Variants in LRRN4 observed in about 807,000 individuals in gnomAD.
LRRN4 encodes the protein leucine rich repeat neuronal 4, also known as leucine-rich repeat neuronal protein 4.
LRRN4 carries 26 observed loss-of-function variants against 22.3 expected under a neutral mutation model. The observed-to-expected ratio is 1.16, with a 90% CI of 0.85 to 1.62. The LOEUF is 1.62. Ranked by LOEUF, LRRN4 falls within the 40% of genes most tolerant of loss-of-function variation. The pLI is 0.00. For synonymous variants in LRRN4, 496 were observed against 486.2 expected, an observed-to-expected ratio of 1.02 and a Z score of -0.26; for missense variants, 1,070 against 1,008.5, an observed-to-expected ratio of 1.06 and a Z score of -0.83.
chr20:6,048,116 G>A (rs1009917512), intron 3 of LRRN4, among the ~76,000 whole-genome samples: 9 of 152,006 alleles, frequency 5.9e-5, no homozygotes, highest in African/African-American at 1.5e-4. Flanking sequence ...GCCAAATCCC[G>A]TGGTCACCCC....
At chr20:6,049,313 G>A (rs1455283023) in intron 3 of LRRN4, among the ~76,000 whole-genome samples, 3 of 152,210 alleles carry the variant, frequency 2.0e-5, no homozygotes, top group African/African-American at 4.8e-5. Context: ...TATGGATCAT[G>A]ATGTGTTATG....
Position 6,042,062 on chromosome 20 carries a change from G to A in LRRN4, c.1183C>T (p.Pro395Ser). ...QGTTVAPSAA[P>S]ATRPAGDQQS... is the part of the protein sequence containing the mutation. ...TGGTCTCCCGCAGGCCGGGTGGCGG[G>A]GGCTGCGCTGGGCGCGACGGTGGTA... The change falls in exon 5 of 5, where the codon CCC becomes TCC. Residue 395 changes from proline to serine, a missense_variant. Transcript: ENST00000378858. 6.2e-7 allele frequency: 1 copy of A among 1,614,000 alleles called. No individual in the cohort carries two copies. The highest frequency in any genetic ancestry group is 8.5e-7 in the Non-Finnish European group (1 of 1,179,950).
chr20:6,041,142 C>A lies in LRRN4; in HGVS notation c.2103G>T (p.Leu701=). 6.2e-7 allele frequency: 1 copy of A among 1,608,912 alleles called. No homozygotes were observed. Among genetic ancestry groups the A allele is most frequent in the Non-Finnish European group, 8.5e-7 (1 of 1,177,734 alleles). ...SGLLLASTVV[L]SACLCRRGQT... is the part of the protein sequence containing the mutation. ...GGCCCCGCCTGCAGAGACATGCGGA[C>A]AGCACCACGGTGCTGGCGAGCAACA... The change falls in exon 5 of 5, where the codon CTG becomes CTT. Residue 701 remains leucine (L), a synonymous_variant. Transcript: ENST00000378858. This position sits in a 1 kb window ranked among gnomAD's most constrained non-coding sequence, Gnocchi z 9.4.
Position 6,041,796 on chromosome 20 carries a change from C to T in LRRN4, c.1449G>A (p.Leu483=), listed in dbSNP as rs770339707. 7 of 1,614,018 alleles carry T rather than the reference C, an allele frequency of 4.3e-6. No individual in the cohort carries two copies. The highest frequency in any genetic ancestry group is 5.9e-6 in the Non-Finnish European group (7 of 1,180,012). Residue 483 remains leucine, a synonymous_variant, in exon 5 of 5, where the codon CTG becomes CTA. Transcript: ENST00000378858. This position sits in a 1 kb window ranked among gnomAD's most constrained non-coding sequence, Gnocchi z 9.4. ...GGTCCCACGAGGTAGGGAAGGGGCC[C>T]AGGAGCTTGCTGGCCAGTGGGGTGG... ...AASTPLASKL[L]GPFPTSWDRS...
intron 4 of LRRN4, among the ~76,000 whole-genome samples, chr20:6,044,142 C>T (rs927201740): frequency 2.6e-5 from 4 of 152,174 alleles, no homozygotes; most frequent in Admixed American, 6.5e-5. Flanking sequence ...TGTAAGCCCA[C>T]GGGCCTAGGA....
intron 3 of LRRN4, among the ~76,000 whole-genome samples, chr20:6,046,421 C>G (rs1051717172): frequency 6.7e-6 from 1 of 148,626 alleles, no homozygotes; most frequent in Non-Finnish European, 1.5e-5. Flanking sequence ...GTCTACCATA[C>G]CTAGCAATGG....
intron 3 of LRRN4, among the ~76,000 whole-genome samples, chr20:6,048,248 T>C (rs1380119605): frequency 2.0e-5 from 3 of 147,814 alleles, no homozygotes. Context: ...CCACTGGTCA[T>C]ACCTTCTTGA....
intron 3 of LRRN4, among the ~76,000 whole-genome samples, chr20:6,046,894 A>G (rs1347840277): frequency 6.6e-6 from 1 of 150,994 alleles, no homozygotes; most frequent in Non-Finnish European, 1.5e-5. Flanking sequence ...TGAGAGTTCA[A>G]TCAGTATTTT....
Position 6,050,998 on chromosome 20 carries a change from G to A in LRRN4, c.656-15C>T. 3.7e-6 allele frequency: 6 copies of A among 1,612,180 alleles called. No homozygotes were observed. Among genetic ancestry groups the A allele is most frequent in the Non-Finnish European group, 5.1e-6 (6 of 1,179,098 alleles). On this transcript the variant is annotated splice_polypyrimidine_tract_variant and intron_variant, in intron 2 of 4. Transcript: ENST00000378858. ...CCCTGACTCAACTGAAACACAGAAG[G>A]GAAACTGCCAACTACTCCAGAACGC... is the stretch of plus-strand genomic sequence containing the variant.
At chr20:6,043,569 C>A (rs1485309557) in intron 4 of LRRN4, among the ~76,000 whole-genome samples, 1 of 152,000 alleles carries the variant, frequency 6.6e-6, no homozygotes, top group Admixed American at 6.6e-5. Flanking sequence ...GGTTGGGGGG[C>A]AGACTGAGCC....
intron 3 of LRRN4, 42 bp from the exon 4 acceptor site, chr20:6,044,722 A>C: frequency 6.9e-7 from 1 of 1,453,562 alleles, no homozygotes; most frequent in East Asian, 2.5e-5. Flanking sequence ...AGGTTTTTAC[A>C]ATTGTATCAA....
chr20:6,044,112 G>A (rs774206257), intron 4 of LRRN4, among the ~76,000 whole-genome samples: 18 of 152,180 alleles, frequency 1.2e-4, no homozygotes, highest in Non-Finnish European at 1.9e-4. Flanking sequence ...AGTCTTCATA[G>A]GAATTTCCCA....
At position 6,052,399 on chromosome 20, in the gene LRRN4, A is replaced by G. The variant is rs1164959463; in HGVS notation, c.401T>C (p.Leu134Pro). ...LHTLDLSYNQLAALPPCTGPA... is the reference protein window; with the variant it reads ...LHTLDLSYNQPAALPPCTGPA... Reference sequence around the variant, plus strand: ...CCCGGTGCACGGCGGCAGAGCGGCCAGCTGGTTGTAGCTGAGGTCCAGGGT... The same window carrying G: ...CCCGGTGCACGGCGGCAGAGCGGCCGGCTGGTTGTAGCTGAGGTCCAGGGT... Residue 134 changes from leucine (L) to proline (P), a missense_variant, in exon 2 of 5, where the codon CTG (leucine) becomes CCG (proline). Leu to Pro is a moderately conservative substitution (Grantham distance 98). Transcript: ENST00000378858. 7.2e-6 allele frequency: 11 copies of G among 1,531,602 alleles called. No homozygotes were observed. Among genetic ancestry groups the G allele is most frequent in the Non-Finnish European group, 8.7e-6 (10 of 1,148,812 alleles). 94.9% of individuals were successfully genotyped at this position (1,531,602 alleles called of 1,614,324 possible).
In LRRN4 at chr20:6,050,942, G is replaced by A; in HGVS notation, c.697C>T (p.Leu233Phe). 1 of 1,614,146 alleles carries A rather than the reference G, an allele frequency of 6.2e-7. No individual in the cohort carries two copies. Among genetic ancestry groups the A allele is most frequent in the Non-Finnish European group, 8.5e-7 (1 of 1,180,032 alleles). Residue 233 changes from leucine (L) to phenylalanine (F), a missense_variant, in exon 3 of 5, where the codon CTC becomes TTC. Physicochemically the swap from Leu to Phe is conservative, Grantham distance 22. Transcript: ENST00000378858. ...AGCCGAGGCATCTTCCTCAGGTAGA[G>A]GGATGTGAGCTTCGGCAGGTCTCTG... is the stretch of plus-strand genomic sequence containing the variant. ...WIRDLPKLTSLYLRKMPRLTT... is the reference protein window; with the variant it reads ...WIRDLPKLTSFYLRKMPRLTT...
intron 1 of LRRN4, 101 bp from the exon 2 acceptor site, chr20:6,052,905 C>T: frequency 3.3e-6 from 4 of 1,229,538 alleles, no homozygotes; most frequent in Non-Finnish European, 4.4e-6. Context: ...TGAGGAGGAG[C>T]ACAGGCGCTG....
At chr20:6,047,423 C>T (rs201864665) in intron 3 of LRRN4, among the ~76,000 whole-genome samples, 60 of 90,056 alleles carry the variant, frequency 6.7e-4, no homozygotes, top group African/African-American at 3.6e-3. Context: ...AGCAGACACA[C>T]ATACACACAC....
Position 6,042,060 on chromosome 20 carries a change from G to A in LRRN4, c.1185C>T (p.Pro395=). 2.5e-6 allele frequency: 4 copies of A among 1,613,960 alleles called. No homozygotes were observed. Among genetic ancestry groups the A allele is most frequent in the Non-Finnish European group, 2.5e-6 (3 of 1,179,956 alleles). Residue 395 remains proline (P), a synonymous_variant, in exon 5 of 5, where the codon CCC becomes CCT. Coordinates refer to ENST00000378858, the MANE Select transcript of LRRN4 (RefSeq NM_152611.5). ...QGTTVAPSAA[P]ATRPAGDQQS... is the part of the protein sequence containing the mutation. Reference sequence around the variant, plus strand: ...GCTGGTCTCCCGCAGGCCGGGTGGCGGGGGCTGCGCTGGGCGCGACGGTGG... The same window carrying A: ...GCTGGTCTCCCGCAGGCCGGGTGGCAGGGGCTGCGCTGGGCGCGACGGTGG...
rs74482940 is a variant in LRRN4 at position 6,052,494 on chromosome 20, C to T, written c.306G>A (p.Gln102=). 1,695 of 1,578,136 alleles carry T rather than the reference C, an allele frequency of 1.1e-3. 12 individuals are homozygous for T. In the African/African-American group the frequency reaches 0.018, roughly 16 times the overall value. ...TGCGGTTGTGGCGCAGGGTCAGCAC[C>T]TGCAGCTGCTCCAGGTGGCCGAGCT... ...TSELGHLEQL[Q]VLTLRHNRIA... Residue 102 remains glutamine (Q), a synonymous_variant, in exon 2 of 5, where the codon CAG becomes CAA. Coordinates refer to ENST00000378858, the MANE Select transcript of LRRN4 (RefSeq NM_152611.5).
intron 3 of LRRN4, among the ~76,000 whole-genome samples, chr20:6,047,766 G>A (rs1423423596): frequency 6.8e-6 from 1 of 147,020 alleles, no homozygotes; most frequent in Non-Finnish European, 1.5e-5. Flanking sequence ...ACTCCATCCT[G>A]GTGGCAGAGC....
Sources: allele counts gnomAD v4.1 joint callset (sites outside exome capture counted in the v4.1 genomes callset), GRCh38; gene constraint gnomAD v4.1.1; non-coding constraint Gnocchi (gnomAD v3.1); transcripts MANE v1.5; gene names NCBI Gene and HGNC (gene_info 2026-07-23, HGNC 2026-07-21).